Variants in EXOC6 observed in about 807,000 individuals in gnomAD.
EXOC6 encodes SEC15-like 1.
Under a neutral mutation model 112.5 loss-of-function variants are expected in EXOC6, and 60 were observed. The observed-to-expected ratio is 0.53, with a 90% confidence interval of 0.43 to 0.66. The LOEUF is 0.66. Ranked by LOEUF, EXOC6 falls within the 30% of genes least tolerant of loss-of-function variation. The pLI, the probability that EXOC6 is intolerant of heterozygous loss-of-function variation, is 0.00. For missense variants in EXOC6, 855 were observed against 957.1 expected, an observed-to-expected ratio of 0.89 and a Z score of 1.41; for synonymous variants, 295 against 308.0, an observed-to-expected ratio of 0.96 and a Z score of 0.44.
intron 5 of EXOC6, among the ~76,000 whole-genome samples, chr10:92,905,402 G>A (rs1260304950): frequency 1.3e-5 from 2 of 151,786 alleles, no homozygotes; most frequent in Admixed American, 6.6e-5. Context: ...TTGAGTCTTC[G>A]TATTCATTAA....
rs547508286 is a variant in EXOC6, at chr10:92,960,621, T to C, written c.1773+4907T>C. ...AAAAAAAAAAAAAGGCGAACACACT[T>C]GTAACTATGAGGTCAAGAAATAAAG... On this transcript the variant is annotated intron_variant, in intron 17 of 21. Coordinates refer to ENST00000260762, the MANE Select transcript of EXOC6 (RefSeq NM_019053.6). Among the ~76,000 whole-genome samples, 230 of 150,892 alleles carry C rather than the reference T, an allele frequency of 1.5e-3. 1 individual carries two copies. Among genetic ancestry groups the C allele is most frequent in the African/African-American group, 5.0e-3 (207 of 41,158 alleles).
chr10:92,948,573 C>CACTACG (rs1554900788), intron 14 of EXOC6, among the ~76,000 whole-genome samples, 194 bp downstream of exon 14: 1 of 140,174 alleles, frequency 7.1e-6, no homozygotes, highest in East Asian at 2.1e-4. Flanking sequence ...CTACTACTAC[C>CACTACG]ACTACTACTA....
At chr10:92,882,689 C>G (rs1014636819) in intron 1 of EXOC6, among the ~76,000 whole-genome samples, 10 of 151,986 alleles carry the variant, frequency 6.6e-5, no homozygotes, top group Non-Finnish European at 1.5e-5. Flanking sequence ...ATATTTTAGC[C>G]CATTGTTTCT....
rs190489135 is a variant in EXOC6 at position 92,858,143 on chromosome 10, T to C, written c.101+9509T>C. Among the ~76,000 whole-genome samples the C allele has an allele frequency of 3.2e-3, 484 of 151,980 alleles. 5 individuals carry two copies. Among genetic ancestry groups the C allele is most frequent in the African/African-American group, 0.011 (462 of 41,434 alleles). On this transcript the variant is annotated intron_variant, in intron 1 of 21. Transcript: ENST00000260762. ...TTCCCTTATGTAATCAGCAGTTTCT[T>C]GTTGTTTTCAGGATTTTCCGTTTGT...
intron 20 of EXOC6, among the ~76,000 whole-genome samples, chr10:93,038,641 A>C (rs1197165187): frequency 1.3e-5 from 2 of 152,204 alleles, no homozygotes; most frequent in Non-Finnish European, 2.9e-5. Flanking sequence ...AGTGGTTTAA[A>C]TTAGAAGCTT....
At chr10:92,876,134 A>G (rs76112200) in intron 1 of EXOC6, among the ~76,000 whole-genome samples, 1,702 of 152,266 alleles carry the variant, frequency 0.011, 16 homozygotes, top group Non-Finnish European at 0.019. Context: ...TAAAGTACAT[A>G]TATCTTAGCT....
intron 20 of EXOC6, among the ~76,000 whole-genome samples, chr10:93,051,147 C>CT (rs5787032): frequency 4.6e-4 from 68 of 146,940 alleles, no homozygotes; most frequent in East Asian, 1.6e-3. Context: ...CTGTATTCCT[C>CT]TTTTTTTTTT....
intron 1 of EXOC6, 78 bp from the exon 2 acceptor site, chr10:92,893,271 A>C: frequency 1.9e-6 from 2 of 1,036,162 alleles, no homozygotes; most frequent in Non-Finnish European, 2.7e-6. Flanking sequence ...ATTTAATTTT[A>C]AGATATCACC....
chr10:92,899,772 T>TA (rs1247579608), intron 5 of EXOC6, 128 bp downstream of exon 5: 1 of 616,468 alleles, frequency 1.6e-6, no homozygotes, highest in Non-Finnish European at 2.7e-6. Context: ...CCTTTGTACT[T>TA]AAAATTTGCG....
chr10:93,043,379 A>G (rs917606467), intron 20 of EXOC6, among the ~76,000 whole-genome samples: 24 of 152,184 alleles, frequency 1.6e-4, no homozygotes, highest in African/African-American at 5.3e-4. Context: ...TTTACTTTCA[A>G]CCGATCTGTA....
At chr10:92,998,914 C>T (rs1420482755) in intron 19 of EXOC6, among the ~76,000 whole-genome samples, 1 of 152,114 alleles carries the variant, frequency 6.6e-6, no homozygotes, top group South Asian at 2.1e-4. Context: ...CTCTGTCACC[C>T]AGGCTGGAGT....
At chr10:92,863,720 G>A (rs1848022367) in intron 1 of EXOC6, among the ~76,000 whole-genome samples, 1 of 151,964 alleles carries the variant, frequency 6.6e-6, no homozygotes, top group South Asian at 2.1e-4. Context: ...AGACCATCCT[G>A]GCTAACATGG....
intron 5 of EXOC6, among the ~76,000 whole-genome samples, chr10:92,905,001 A>T (rs544940357): frequency 6.6e-6 from 1 of 152,020 alleles, no homozygotes; most frequent in East Asian, 1.9e-4. Flanking sequence ...ACATTTATTT[A>T]TTCACTTTTT....
intron 1 of EXOC6, among the ~76,000 whole-genome samples, chr10:92,865,937 T>C (rs115660745): frequency 0.038 from 5,799 of 152,136 alleles, 142 homozygotes; most frequent in Non-Finnish European, 0.055. Flanking sequence ...AAGTGGGTCA[T>C]CATAAAAGTC....
intron 18 of EXOC6, among the ~76,000 whole-genome samples, chr10:92,990,433 A>C (rs1843182488): frequency 6.6e-6 from 1 of 152,224 alleles, no homozygotes; most frequent in African/African-American, 2.4e-5. Context: ...AGTTGGAAGT[A>C]GTAGTAATGA....
chr10:92,997,429 A>T (rs757944424), intron 18 of EXOC6, 45 bp from the exon 19 acceptor site: 1 of 1,554,890 alleles, frequency 6.4e-7, no homozygotes, highest in East Asian at 2.3e-5. Flanking sequence ...ATGTATTTCT[A>T]TGTGTGTTTA....
chr10:92,848,988 C>A (rs1490691599), intron 1 of EXOC6, among the ~76,000 whole-genome samples: 1 of 152,168 alleles, frequency 6.6e-6, no homozygotes, highest in African/African-American at 2.4e-5. Flanking sequence ...GCCCCCGTCT[C>A]GCTCGTGGTG....
intron 11 of EXOC6, among the ~76,000 whole-genome samples, chr10:92,935,243 A>G (rs1015945743): frequency 5.9e-5 from 9 of 151,882 alleles, no homozygotes; most frequent in African/African-American, 1.9e-4. Context: ...ACATTTTATC[A>G]TGGTCGATAT....
At chr10:93,057,261 T>C (rs1846590764) in intron 21 of EXOC6, among the ~76,000 whole-genome samples, 2 of 152,174 alleles carry the variant, frequency 1.3e-5, no homozygotes, top group African/African-American at 4.8e-5. Flanking sequence ...ACATCTTTCC[T>C]TTTGTATCCT....
Sources: gnomAD v4.1 joint callset for allele counts (sites outside exome capture counted in the v4.1 genomes callset) on GRCh38, gnomAD v4.1.1 for gene constraint, MANE v1.5 for transcripts, NCBI Gene and HGNC (gene_info 2026-07-23, HGNC 2026-07-21) for gene names.